Variants in UBL3 observed in about 807,000 individuals in gnomAD.
The protein encoded by UBL3 is ubiquitin like 3, also known as ubiquitin-like protein 3.
In UBL3, 6 loss-of-function variants were observed where a neutral mutation model predicts 18.4. That is an observed-to-expected ratio of 0.33 (90% CI 0.18 to 0.64). The LOEUF is 0.64. Among genes scored for constraint, UBL3 ranks in the 30% least tolerant of loss-of-function variants. UBL3 has a pLI of 0.76. For synonymous variants in UBL3, 49 were observed against 46.6 expected (o/e 1.05, Z -0.21); for missense variants, 109 against 142.9 (o/e 0.76, Z 1.21).
chr13:29,777,103 G>T, intron 2 of UBL3, 52 bp downstream of exon 2: 5 of 1,246,662 alleles, frequency 4.0e-6, no homozygotes, highest in Non-Finnish European at 5.3e-6. Flanking sequence ...GTGAGACAAG[G>T]TAGGGCATAA....
chr13:29,786,779 G>T (rs1877330493), intron 1 of UBL3, among the ~76,000 whole-genome samples: 1 of 152,048 alleles, frequency 6.6e-6, no homozygotes. Flanking sequence ...TTATGATGTA[G>T]ATTCTAATAT....
chr13:29,785,262 T>C, intron 1 of UBL3, among the ~76,000 whole-genome samples: 1 of 152,208 alleles, frequency 6.6e-6, no homozygotes, highest in Non-Finnish European at 1.5e-5. Flanking sequence ...GATGTTACCA[T>C]TAGGGAAAAC....
Position 29,765,879 on chromosome 13 carries a change from C to T in UBL3, c.*1376G>A, listed in dbSNP as rs1048919833. 29 of 8,812 alleles carry T rather than the reference C, an allele frequency of 3.3e-3. No individual in the cohort carries two copies. The highest frequency in any genetic ancestry group is 5.6e-3 in the African/African-American group (27 of 4,800). 0.5% of individuals were successfully genotyped at this position (8,812 alleles called of 1,614,324 possible). Reference sequence around the variant, plus strand: ...ATTTAATGTTTGTAAGGGCTGTTGACACTTAGTACAGAATGTAATGTCAGC... The same window carrying T: ...ATTTAATGTTTGTAAGGGCTGTTGATACTTAGTACAGAATGTAATGTCAGC... On this transcript the variant is annotated 3_prime_UTR_variant, in exon 5 of 5. Transcript: ENST00000380680.
chr13:29,818,388 C>T (rs1878340294), intron 1 of UBL3, among the ~76,000 whole-genome samples: 1 of 152,156 alleles, frequency 6.6e-6, no homozygotes, highest in African/African-American at 2.4e-5. Context: ...GACTACTAAT[C>T]TTTTACAGAG....
At position 29,765,664 on chromosome 13, in the gene UBL3, T is replaced by C. The variant is rs746995419; in HGVS notation, c.*1591A>G. 4 of 152,580 alleles carry C rather than the reference T, an allele frequency of 2.6e-5. No homozygotes were observed. Among genetic ancestry groups the C allele is most frequent in the Non-Finnish European group, 4.4e-5 (3 of 67,988 alleles). 9.5% of individuals were successfully genotyped at this position (152,580 alleles called of 1,614,324 possible). A position where few individuals can be genotyped will look rare whatever the true frequency, so the allele number is the denominator to read the frequency against. ...TACAGGAAGAATCTGTAAGTACAGG[T>C]TGCAGAAAGAAAACGTTTAGTGCTA... On this transcript the variant is annotated 3_prime_UTR_variant, in exon 5 of 5. Coordinates refer to ENST00000380680, the MANE Select transcript of UBL3 (RefSeq NM_007106.4).
chr13:29,777,606 C>A, intron 1 of UBL3: 1 of 254,494 alleles, frequency 3.9e-6, no homozygotes, highest in Non-Finnish European at 8.1e-6. Flanking sequence ...ACATTTTTAC[C>A]CAAAAATTAA....
At chr13:29,771,509 T>C (rs1201288524) in intron 3 of UBL3, among the ~76,000 whole-genome samples, 3 of 152,062 alleles carry the variant, frequency 2.0e-5, no homozygotes, top group African/African-American at 4.8e-5. Flanking sequence ...ACCTATGAGG[T>C]AGGCACTACT....
intron 2 of UBL3, among the ~76,000 whole-genome samples, chr13:29,776,108 A>G (rs893652066): frequency 2.0e-5 from 3 of 152,100 alleles, no homozygotes; most frequent in Non-Finnish European, 4.4e-5. Context: ...CTTAATTTTA[A>G]ATAGGCTATC....
At chr13:29,773,253 G>GT (rs1452287861) in intron 2 of UBL3, among the ~76,000 whole-genome samples, 1 of 152,090 alleles carries the variant, frequency 6.6e-6, no homozygotes, top group Non-Finnish European at 1.5e-5. Context: ...CTGCCTATAG[G>GT]TAACTTAGGC....
intron 1 of UBL3, among the ~76,000 whole-genome samples, chr13:29,777,702 A>G (rs1259492204): frequency 6.6e-6 from 1 of 152,356 alleles, no homozygotes; most frequent in Non-Finnish European, 1.5e-5. Context: ...TAATTAAAAG[A>G]AAATAAACTA....
intron 1 of UBL3, among the ~76,000 whole-genome samples, chr13:29,813,268 G>A (rs1213365803): frequency 6.6e-6 from 1 of 151,936 alleles, no homozygotes; most frequent in African/African-American, 2.4e-5. Flanking sequence ...TAATTGCATA[G>A]AACGTCAGGA....
intron 1 of UBL3, among the ~76,000 whole-genome samples, chr13:29,792,596 G>T (rs549617517): frequency 3.9e-5 from 6 of 152,216 alleles, no homozygotes; most frequent in African/African-American, 1.4e-4. Context: ...ATCAACCTGT[G>T]ACTAGTGACA....
intron 1 of UBL3, among the ~76,000 whole-genome samples, chr13:29,844,760 C>T (rs750776322): frequency 6.6e-6 from 1 of 152,054 alleles, no homozygotes; most frequent in Non-Finnish European, 1.5e-5. Flanking sequence ...CTTCAGTCTC[C>T]TAAAACATAT....
At chr13:29,812,872 T>C (rs1167115318) in intron 1 of UBL3, among the ~76,000 whole-genome samples, 1 of 152,090 alleles carries the variant, frequency 6.6e-6, no homozygotes, top group East Asian at 1.9e-4. Flanking sequence ...GAAATTATAA[T>C]ATTTTGGATA....
intron 1 of UBL3, among the ~76,000 whole-genome samples, chr13:29,780,367 A>AATAT (rs67385106): frequency 1.1e-4 from 11 of 103,296 alleles, no homozygotes; most frequent in East Asian, 7.7e-4. Flanking sequence ...AAAAAAAAAA[A>AATAT]ATATATATAT....
chr13:29,770,745 C>T (rs1011981198), intron 3 of UBL3, among the ~76,000 whole-genome samples: 1 of 151,470 alleles, frequency 6.6e-6, no homozygotes, highest in Non-Finnish European at 1.5e-5. Context: ...AATGAATGTA[C>T]AATATAGCCA....
At chr13:29,777,422 A>T (rs1877029733) in intron 1 of UBL3, 159 bp from the exon 2 acceptor site, 1 of 710,380 alleles carries the variant, frequency 1.4e-6, no homozygotes, top group African/African-American at 1.8e-5. Context: ...AAAGAATGGG[A>T]ATTTGATATT....
chr13:29,783,445 A>G (rs1022255231), intron 1 of UBL3, among the ~76,000 whole-genome samples: 1 of 152,206 alleles, frequency 6.6e-6, no homozygotes, highest in African/African-American at 2.4e-5. Context: ...ATGCTTGTCA[A>G]GTATACCTTA....
intron 1 of UBL3, among the ~76,000 whole-genome samples, chr13:29,808,867 G>A (rs895093031): frequency 6.6e-6 from 1 of 151,850 alleles, no homozygotes; most frequent in African/African-American, 2.4e-5. Flanking sequence ...ATGATCTCCC[G>A]TTGTGCCCAG....
Sources: allele counts gnomAD v4.1 joint callset (sites outside exome capture counted in the v4.1 genomes callset), GRCh38; gene constraint gnomAD v4.1.1; transcripts MANE v1.5; gene names NCBI Gene and HGNC (gene_info 2026-07-23, HGNC 2026-07-21).